Variants in AFF1 observed in about 807,000 individuals in gnomAD.
AFF1 encodes the protein ALF transcription elongation factor 1, also known as AF4/FMR2 family member 1.
AFF1 carries 48 observed loss-of-function variants against 121.7 expected under a neutral mutation model. The observed-to-expected ratio is 0.39, with a 90% CI of 0.31 to 0.50. The LOEUF is 0.50. AFF1 is among the 20% of genes least tolerant of loss of function. The pLI is 0.76. For missense variants in AFF1, 1,523 were observed against 1,511.7 expected, an observed-to-expected ratio of 1.01 and a Z score of -0.12; for synonymous variants, 613 against 563.0, an observed-to-expected ratio of 1.09 and a Z score of -1.26.
chr4:87,073,885 G>C (rs1688051253), intron 4 of AFF1, among the ~76,000 whole-genome samples: 1 of 152,168 alleles, frequency 6.6e-6, no homozygotes, highest in Non-Finnish European at 1.5e-5. Context: ...CATAAATCCT[G>C]TCATGGTTGA....
intron 7 of AFF1, among the ~76,000 whole-genome samples, chr4:87,094,211 C>T (rs1724599742): frequency 6.6e-6 from 1 of 152,166 alleles, no homozygotes; most frequent in Non-Finnish European, 1.5e-5. Flanking sequence ...CTTTGTGATA[C>T]AATTCATTTT....
chr4:87,058,305 G>GT (rs1262687610), intron 4 of AFF1, among the ~76,000 whole-genome samples: 1 of 152,152 alleles, frequency 6.6e-6, no homozygotes, highest in Non-Finnish European at 1.5e-5. Context: ...AAAGTGTGCT[G>GT]TTTTTCCACA....
At chr4:87,116,208 T>G (rs746706254) in intron 12 of AFF1, among the ~76,000 whole-genome samples, 5 of 152,364 alleles carry the variant, frequency 3.3e-5, no homozygotes, top group Non-Finnish European at 7.3e-5. Flanking sequence ...ATCATTTTAT[T>G]TATTATAATT....
intron 4 of AFF1, among the ~76,000 whole-genome samples, chr4:87,052,753 G>A (rs1277889657): frequency 6.6e-6 from 1 of 152,066 alleles, no homozygotes; most frequent in Non-Finnish European, 1.5e-5. Flanking sequence ...TAGTAGCCAT[G>A]TATGTGGATA....
At chr4:87,082,728 C>A (rs1011398552) in intron 4 of AFF1, among the ~76,000 whole-genome samples, 2 of 152,076 alleles carry the variant, frequency 1.3e-5, no homozygotes, top group Non-Finnish European at 2.9e-5. Flanking sequence ...CACACCTGGC[C>A]TACATCTGAA....
chr4:86,945,497 A>ATTTTTTTTTTTTTTTTTTTTT (rs34305215), intron 1 of AFF1, among the ~76,000 whole-genome samples: 2 of 86,630 alleles, frequency 2.3e-5, no homozygotes, highest in African/African-American at 5.2e-5. Context: ...GCCTTTCCCA[A>ATTTTTTTTTTTTTTTTTTTTT]TTTTTTTTTT....
At chr4:87,019,919 C>G (rs1038131872) in intron 2 of AFF1, among the ~76,000 whole-genome samples, 2 of 151,438 alleles carry the variant, frequency 1.3e-5, no homozygotes, top group Non-Finnish European at 2.9e-5. Flanking sequence ...AGCCCTCAAC[C>G]TGTGGGATCT....
At chr4:87,030,779 A>G (rs1178923734) in intron 2 of AFF1, among the ~76,000 whole-genome samples, 1 of 152,148 alleles carries the variant, frequency 6.6e-6, no homozygotes, top group East Asian at 1.9e-4. Flanking sequence ...ACTTCACAGC[A>G]AAGCTCTGTG....
chr4:86,997,394 A>C (rs903542439), intron 2 of AFF1, among the ~76,000 whole-genome samples: 4 of 152,220 alleles, frequency 2.6e-5, no homozygotes, highest in Admixed American at 6.5e-5. Flanking sequence ...TTTTTAAAAT[A>C]AATTACCCAG....
At chr4:87,065,510 TAA>T (rs35526401) in intron 4 of AFF1, among the ~76,000 whole-genome samples, 5 of 145,558 alleles carry the variant, frequency 3.4e-5, no homozygotes, top group Non-Finnish European at 1.5e-5. Flanking sequence ...GAGGTGAGGT[TAA>T]AAAAAAAAAA....
chr4:86,960,561 T>G (rs1722076463), intron 2 of AFF1, among the ~76,000 whole-genome samples: 1 of 152,210 alleles, frequency 6.6e-6, no homozygotes, highest in Non-Finnish European at 1.5e-5. Flanking sequence ...TTCTTTATAT[T>G]TGTGTAGTTA....
chr4:87,110,636 T>C (rs1469472758), intron 11 of AFF1, among the ~76,000 whole-genome samples: 2 of 152,104 alleles, frequency 1.3e-5, no homozygotes, highest in Admixed American at 6.5e-5. Context: ...AATGCTCTTT[T>C]TAAAAAAAAA....
chr4:87,136,569 A>C lies in AFF1; in HGVS notation c.*868A>C, dbSNP rs1578334252. 8.6e-6 allele frequency: 2 copies of C among 231,448 alleles called. No individual in the cohort carries two copies. The highest frequency in any genetic ancestry group is 8.5e-6 in the Non-Finnish European group (1 of 116,966). The allele number at this position is 231,448 out of a possible 1,614,324, so 14.3% of individuals were successfully genotyped here. ...TAACAGGGCAGTCACTGTTGACTCTATTCTGAATTTCCTCCCTTGGGGAAG... is the reference window on the plus strand; with the variant it reads ...TAACAGGGCAGTCACTGTTGACTCTCTTCTGAATTTCCTCCCTTGGGGAAG... On this transcript the variant is annotated 3_prime_UTR_variant, in exon 21 of 21. Coordinates refer to ENST00000395146, the MANE Select transcript of AFF1 (RefSeq NM_001166693.3).
intron 4 of AFF1, among the ~76,000 whole-genome samples, chr4:87,082,692 G>C (rs1452145926): frequency 6.6e-6 from 1 of 152,152 alleles, no homozygotes; most frequent in African/African-American, 2.4e-5. Context: ...GCCTCCCAAA[G>C]TGCTGGGATT....
chr4:87,086,988 A>C (rs555366458), intron 5 of AFF1, among the ~76,000 whole-genome samples: 1 of 152,266 alleles, frequency 6.6e-6, no homozygotes, highest in Admixed American at 6.5e-5. Context: ...GATAGCAGAC[A>C]TACACTGTTA....
intron 1 of AFF1, among the ~76,000 whole-genome samples, chr4:86,943,249 G>A (rs1720596844): frequency 6.6e-6 from 1 of 152,216 alleles, no homozygotes; most frequent in South Asian, 2.1e-4. Flanking sequence ...AGGTCCATGT[G>A]CATTGGAGAG....
At chr4:87,052,276 G>A (rs1488943342) in intron 4 of AFF1, among the ~76,000 whole-genome samples, 3 of 152,066 alleles carry the variant, frequency 2.0e-5, no homozygotes, top group Non-Finnish European at 4.4e-5. Context: ...CCAGCTATTG[G>A]GAAAAAATTA....
chr4:86,973,545 G>GTAGCAA (rs1355718885), intron 2 of AFF1, among the ~76,000 whole-genome samples: 1 of 152,060 alleles, frequency 6.6e-6, no homozygotes, highest in Non-Finnish European at 1.5e-5. Flanking sequence ...TTAATGTATT[G>GTAGCAA]AATTTGGACT....
chr4:87,063,545 A>G (rs1044209391), intron 4 of AFF1, among the ~76,000 whole-genome samples: 2 of 151,880 alleles, frequency 1.3e-5, no homozygotes, highest in African/African-American at 4.8e-5. Context: ...GGCCAGATCC[A>G]CCTCTTTACC....
Sources: gnomAD v4.1 joint callset for allele counts (sites outside exome capture counted in the v4.1 genomes callset) on GRCh38, gnomAD v4.1.1 for gene constraint, MANE v1.5 for transcripts, NCBI Gene and HGNC (gene_info 2026-07-23, HGNC 2026-07-21) for gene names.